The following RASGEF1C variants were observed in gnomAD, a reference collection of about 807,000 sequenced individuals.
RASGEF1C encodes RasGEF domain family member 1C, also known as ras-GEF domain-containing family member 1C.
In RASGEF1C, 27 loss-of-function variants were observed where a neutral mutation model predicts 58.1. That is an observed-to-expected ratio of 0.46 (90% CI 0.34 to 0.64). The LOEUF (loss-of-function observed/expected upper bound fraction) is 0.64, where lower values mean the gene tolerates loss of function less well. Among genes scored for constraint, RASGEF1C ranks in the 30% least tolerant of loss-of-function variants. The pLI is 0.01. For synonymous variants in RASGEF1C, 243 were observed against 246.3 expected (o/e 0.99, Z 0.13); for missense variants, 502 against 605.1 (o/e 0.83, Z 1.79).
intron 12 of RASGEF1C, among the ~76,000 whole-genome samples, chr5:180,107,126 C>CT (rs890856273): frequency 1.3e-4 from 20 of 152,008 alleles, no homozygotes; most frequent in Non-Finnish European, 2.9e-5. Flanking sequence ...ATCTTTTCTT[C>CT]TTTTTTTACT....
chr5:180,205,384 T>C (rs903923625), intron 1 of RASGEF1C, among the ~76,000 whole-genome samples: 4 of 151,898 alleles, frequency 2.6e-5, no homozygotes, highest in Admixed American at 1.3e-4. Flanking sequence ...TCATAAGAAA[T>C]AGGAAAAACA....
At position 180,128,463 on chromosome 5, in the gene RASGEF1C, C is replaced by A; in HGVS notation, c.586G>T (p.Gly196Cys). 6.2e-7 allele frequency: 1 copy of A among 1,614,044 alleles called. No individual in the cohort carries two copies. Among genetic ancestry groups the A allele is most frequent in the African/African-American group, 1.3e-5 (1 of 75,030 alleles). ...AGTGTGTAGGGGTCGCTGCAGACACCAAGGAGCTCCCTGTGGATGGAGGCT... is the reference window on the plus strand; with the variant it reads ...AGTGTGTAGGGGTCGCTGCAGACACAAAGGAGCTCCCTGTGGATGGAGGCT... ...PPASIHRELL[G>C]VCSDPYTLAQ... is the part of the protein sequence containing the mutation. Residue 196 changes from glycine (G) to cysteine (C), a missense_variant, in exon 5 of 14, where the codon GGT becomes TGT. Gly to Cys is a radical substitution (Grantham distance 159). Transcript: ENST00000361132.
At position 180,177,059 on chromosome 5, in the gene RASGEF1C, C is replaced by A. The variant is rs948087387; in HGVS notation, c.-7+31969G>T. Among the ~76,000 whole-genome samples the A allele has an allele frequency of 6.6e-6, 1 of 151,992 alleles. No homozygotes were observed. The highest frequency in any genetic ancestry group is 2.4e-5 in the African/African-American group (1 of 41,396). ...ACCTCCCAGAGGAGAGGGCTGCAGA[C>A]GAGGGGTTTCCAAGGGACGGCAACT... is the stretch of plus-strand genomic sequence containing the variant. On this transcript the variant is annotated intron_variant, in intron 1 of 13. Transcript: ENST00000361132. This position sits in a 1 kb window ranked among gnomAD's most constrained non-coding sequence, Gnocchi z 5.0.
intron 1 of RASGEF1C, among the ~76,000 whole-genome samples, chr5:180,203,307 A>C (rs1026495603): frequency 1.3e-5 from 2 of 152,196 alleles, no homozygotes; most frequent in African/African-American, 4.8e-5. Context: ...TTGTTATGTT[A>C]TGACTCTCTA....
At chr5:180,122,002 C>G (rs547441286) in intron 6 of RASGEF1C, among the ~76,000 whole-genome samples, 5 of 152,334 alleles carry the variant, frequency 3.3e-5, no homozygotes, top group Admixed American at 6.5e-5. Context: ...AAAGGCTGCT[C>G]TGTGCCTCAC....
At chr5:180,103,121 A>G (rs1191800965) in intron 12 of RASGEF1C, among the ~76,000 whole-genome samples, 1 of 152,164 alleles carries the variant, frequency 6.6e-6, no homozygotes, top group East Asian at 1.9e-4. Context: ...TCTGTCGCCC[A>G]GGCTGGAGTG....
intron 1 of RASGEF1C, among the ~76,000 whole-genome samples, chr5:180,190,358 CG>C (rs1250275383): frequency 1.1e-4 from 16 of 151,420 alleles, no homozygotes; most frequent in African/African-American, 2.7e-4. Context: ...GGCGTGGTGG[CG>C]GGCGCCTGTA....
chr5:180,115,327 CTG>C (rs1766048022), intron 10 of RASGEF1C: 1 of 427,300 alleles, frequency 2.3e-6, no homozygotes, highest in Non-Finnish European at 4.6e-6. Flanking sequence ...TTGTCCCCCT[CTG>C]TCTTTCTTGA....
chr5:180,125,107 T>C lies in RASGEF1C; in HGVS notation c.714+2502A>G, dbSNP rs1766232995. Among the ~76,000 whole-genome samples, 4 of 152,104 alleles carry C rather than the reference T, an allele frequency of 2.6e-5. No homozygotes were observed. The South Asian group carries it at 8.3e-4, about 31-fold the overall frequency. On this transcript the variant is annotated intron_variant, in intron 6 of 13. Coordinates refer to ENST00000361132, the MANE Select transcript of RASGEF1C (RefSeq NM_175062.4). ...GTGTTCACATCACTGTACTCCAGCC[T>C]GGGAAAAAGAGCAAGACTCTGTCTC...
chr5:180,163,252 T>TTTTTTTTTTTTG (rs1766972601), intron 1 of RASGEF1C, among the ~76,000 whole-genome samples: 1 of 80,960 alleles, frequency 1.2e-5, no homozygotes. Context: ...TTTTTTTTTT[T>TTTTTTTTTTTTG]CCAGCCTATT....
At position 180,156,726 on chromosome 5, in the gene RASGEF1C, C is replaced by T. The variant is rs148774747; in HGVS notation, c.-6-18668G>A. 0.012 allele frequency among the ~76,000 whole-genome samples: 1,839 copies of T among 151,864 alleles called. 30 individuals are homozygous for T. The highest frequency in any genetic ancestry group is 0.037 in the Middle Eastern group (11 of 294). On this transcript the variant is annotated intron_variant, in intron 1 of 13. Coordinates refer to ENST00000361132, the MANE Select transcript of RASGEF1C (RefSeq NM_175062.4). This position sits in a 1 kb window ranked among gnomAD's most constrained non-coding sequence, Gnocchi z 4.9. ...AGTTGAGGCTGCAGTAAGCCGAGAT[C>T]GTACCACTGCACTCCAGCCTGGGCA...
chr5:180,113,211 G>T (rs796329363), intron 11 of RASGEF1C, among the ~76,000 whole-genome samples: 1 of 66,992 alleles, frequency 1.5e-5, no homozygotes, highest in Admixed American at 1.4e-4. Flanking sequence ...CAGAGGGACC[G>T]GGGATGGACG....
intron 7 of RASGEF1C, among the ~76,000 whole-genome samples, chr5:180,120,094 C>T (rs370950638): frequency 5.9e-5 from 9 of 152,322 alleles, no homozygotes; most frequent in East Asian, 5.8e-4. Context: ...CGGTGGGGCC[C>T]GCGTTGCATT....
At chr5:180,121,588 C>T (rs1051493645) in intron 6 of RASGEF1C, among the ~76,000 whole-genome samples, 1 of 151,848 alleles carries the variant, frequency 6.6e-6, no homozygotes, top group Non-Finnish European at 1.5e-5. Flanking sequence ...GCTGGGATTA[C>T]AGGCGTGAGC....
At chr5:180,129,260 G>A (rs75819605) in intron 4 of RASGEF1C, among the ~76,000 whole-genome samples, 9 of 152,322 alleles carry the variant, frequency 5.9e-5, no homozygotes, top group East Asian at 3.9e-4. Flanking sequence ...TAGAGGGGTC[G>A]TTCCTTCCAT....
chr5:180,166,867 T>C (rs1347226315), intron 1 of RASGEF1C, among the ~76,000 whole-genome samples: 2 of 152,244 alleles, frequency 1.3e-5, no homozygotes, highest in East Asian at 3.8e-4. Context: ...GTTCTTTTCT[T>C]TTAGAACTCT....
intron 10 of RASGEF1C, chr5:180,115,415 G>A (rs1303233419): frequency 2.9e-6 from 1 of 350,196 alleles, no homozygotes; most frequent in Non-Finnish European, 5.6e-6. Flanking sequence ...GGAAAAGAAA[G>A]GCTCACGGAC....
chr5:180,168,661 C>T lies in RASGEF1C; in HGVS notation c.-6-30603G>A, dbSNP rs1767056353. Among the ~76,000 whole-genome samples the T allele has an allele frequency of 6.6e-6, 1 of 152,164 alleles. No homozygotes were observed. The highest frequency in any genetic ancestry group is 6.5e-5 in the Admixed American group (1 of 15,270). On this transcript the variant is annotated intron_variant, in intron 1 of 13. Coordinates refer to ENST00000361132, the MANE Select transcript of RASGEF1C (RefSeq NM_175062.4). The surrounding 1 kb of genome is among the most constrained non-coding windows in gnomAD (Gnocchi z 6.0). ...GAAAGAGAAGCCGGGAGTTCATCTT[C>T]CTTGAGGCAACAGCTCCTCCCCTCA...
At chr5:180,116,148 G>A (rs1171623663) in intron 10 of RASGEF1C, among the ~76,000 whole-genome samples, 4 of 152,086 alleles carry the variant, frequency 2.6e-5, no homozygotes, top group Admixed American at 1.3e-4. Context: ...GCCACTCAAG[G>A]CCACCCCCCA....
Sources: gnomAD v4.1 joint callset for allele counts (sites outside exome capture counted in the v4.1 genomes callset) on GRCh38, gnomAD v4.1.1 for gene constraint, Gnocchi (gnomAD v3.1) non-coding constraint, MANE v1.5 for transcripts, NCBI Gene and HGNC (gene_info 2026-07-23, HGNC 2026-07-21) for gene names.